Variants in LGR4 observed in about 807,000 individuals in gnomAD.
LGR4 encodes leucine-rich repeat-containing G protein-coupled receptor 4.
LGR4 carries 44 observed loss-of-function variants against 84.8 expected under a neutral mutation model. That is an observed-to-expected ratio of 0.52 (90% CI 0.41 to 0.67). The LOEUF is 0.67. LGR4 is among the 30% of genes least tolerant of loss of function. The probability of loss-of-function intolerance (pLI) is 0.00; values close to 1 mark genes in which losing one functional copy is unlikely to be tolerated. For missense variants in LGR4, 1,032 were observed against 1,131.4 expected (o/e 0.91, Z 1.26); for synonymous variants, 429 against 434.3 (o/e 0.99, Z 0.15).
chr11:27,417,948 T>C (rs1353411978), intron 1 of LGR4, among the ~76,000 whole-genome samples: 2 of 152,160 alleles, frequency 1.3e-5, no homozygotes, highest in Non-Finnish European at 2.9e-5. Context: ...GATTGGAACA[T>C]CTTTGCTATT....
chr11:27,414,809 G>C (rs7927234), intron 1 of LGR4, among the ~76,000 whole-genome samples: 42,879 of 152,000 alleles, frequency 0.28, 11,533 homozygotes, highest in African/African-American at 0.71. Context: ...TTGTACGATA[G>C]TGGGCCTCCA....
intron 2 of LGR4, among the ~76,000 whole-genome samples, 186 bp downstream of exon 2, chr11:27,412,603 G>A (rs1590373140): frequency 6.6e-6 from 1 of 152,178 alleles, no homozygotes; most frequent in Admixed American, 6.5e-5. Flanking sequence ...AATAGCTTCA[G>A]CAACTATGCT....
At position 27,380,934 on chromosome 11, in the gene LGR4, G is replaced by A; in HGVS notation, c.791C>T (p.Pro264Leu). The A allele has an allele frequency of 1.9e-6, 3 of 1,555,456 alleles. No homozygotes were observed. The South Asian group carries it at 3.3e-5, about 17-fold the overall frequency. ...GFHSNSISVI[P>L]DGAFDGNPLL... ...TGGATTACCATCAAATGCTCCATCAGGGATAACAGAAATAGAATTACTATG... is the reference window on the plus strand; with the variant it reads ...TGGATTACCATCAAATGCTCCATCAAGGATAACAGAAATAGAATTACTATG... Residue 264 changes from proline (P) to leucine (L), a missense_variant, in exon 8 of 18, where the codon CCT becomes CTT. Transcript: ENST00000379214.
intron 1 of LGR4, among the ~76,000 whole-genome samples, chr11:27,439,576 G>C (rs1565094112): frequency 6.6e-6 from 1 of 152,104 alleles, no homozygotes; most frequent in African/African-American, 2.4e-5. Flanking sequence ...TTCAATTTGC[G>C]GGGAATACAT....
intron 1 of LGR4, among the ~76,000 whole-genome samples, chr11:27,415,840 T>C (rs1396352429): frequency 6.6e-6 from 1 of 152,022 alleles, no homozygotes; most frequent in Non-Finnish European, 1.5e-5. Flanking sequence ...TGAGGGCTGA[T>C]GGTGATAAAC....
rs1317565723 is a variant in LGR4 at position 27,472,054 on chromosome 11, C to T, written c.185+64G>A. On this transcript the variant is annotated intron_variant, in intron 1 of 17. Coordinates refer to ENST00000379214, the MANE Select transcript of LGR4 (RefSeq NM_018490.5). ...GTGGGACTGACCCCTGGCTCCGCCC[C>T]GCGGCGCCCCCCGCTGGGCCCCGTT... 8.5e-6 allele frequency: 10 copies of T among 1,171,098 alleles called. No individual in the cohort carries two copies. In the African/African-American group the frequency reaches 1.3e-4, roughly 15 times the overall value. 72.5% of individuals were successfully genotyped at this position (1,171,098 alleles called of 1,614,324 possible).
At chr11:27,406,131 A>C (rs1863603746) in intron 2 of LGR4, among the ~76,000 whole-genome samples, 1 of 152,080 alleles carries the variant, frequency 6.6e-6, no homozygotes, top group Non-Finnish European at 1.5e-5. Flanking sequence ...GTCTTTGTAC[A>C]TGTCCTCTTG....
chr11:27,373,565 G>C lies in LGR4; in HGVS notation c.1365C>G (p.Asp455Glu). The C allele has an allele frequency of 6.3e-7, 1 of 1,579,450 alleles. No individual in the cohort carries two copies. Among genetic ancestry groups the C allele is most frequent in the East Asian group, 2.3e-5 (1 of 44,112 alleles). ...FKLKEALAAK[D>E]FVNLRSLSVP... is the part of the protein sequence containing the mutation. ...CAAAAACACACCTGAGGTTAACAAAGTCTTTTGCTGCTAAGGCTTCTTTCA... is the reference window on the plus strand; with the variant it reads ...CAAAAACACACCTGAGGTTAACAAACTCTTTTGCTGCTAAGGCTTCTTTCA... The change falls in exon 15 of 18, where the codon GAC becomes GAG. Residue 455 changes from aspartate (D) to glutamate (E), a missense_variant. Asp to Glu is a conservative substitution (Grantham distance 45). Coordinates refer to ENST00000379214, the MANE Select transcript of LGR4 (RefSeq NM_018490.5).
chr11:27,373,864 T>G, intron 14 of LGR4, 111 bp downstream of exon 14: 1 of 1,022,648 alleles, frequency 9.8e-7, no homozygotes, highest in East Asian at 2.4e-5. Flanking sequence ...TTAGCATTTA[T>G]ACAAGGGAAT....
chr11:27,448,845 A>C (rs916755987), intron 1 of LGR4, among the ~76,000 whole-genome samples: 1 of 152,206 alleles, frequency 6.6e-6, no homozygotes, highest in African/African-American at 2.4e-5. Context: ...TGAGGACAGA[A>C]GTATTGCCTT....
rs544983297 is a variant in LGR4, at chr11:27,369,614, A to C, written c.1580-471T>G. 1.1e-3 allele frequency among the ~76,000 whole-genome samples: 171 copies of C among 152,334 alleles called. 3 individuals carry two copies. Among genetic ancestry groups the C allele is most frequent in the African/African-American group, 3.7e-3 (155 of 41,580 alleles). On this transcript the variant is annotated intron_variant, in intron 17 of 17. Coordinates refer to ENST00000379214, the MANE Select transcript of LGR4 (RefSeq NM_018490.5). ...GTGGATAATAATGCCTGTTTCATAC[A>C]GTTGTGCAGCTTAAGTAAAATTATA... is the stretch of plus-strand genomic sequence containing the variant.
rs1862772023 is a variant in LGR4, at chr11:27,366,728, T to A, written c.*1139A>T. The A allele has an allele frequency of 6.6e-6, 1 of 152,532 alleles. No homozygotes were observed. 9.4% of individuals were successfully genotyped at this position (152,532 alleles called of 1,614,324 possible). A position where few individuals can be genotyped will look rare whatever the true frequency, so the allele number is the denominator to read the frequency against. On this transcript the variant is annotated 3_prime_UTR_variant, in exon 18 of 18. Transcript: ENST00000379214. ...TTATTCTTTCTTCTTCTATTTTTAT[T>A]AATAACATATTATCTTGTTTAACCA...
chr11:27,372,273 ATGCACT>A lies in LGR4; in HGVS notation c.1495+4_1495+9del. On this transcript the variant is annotated splice_donor_5th_base_variant and intron_variant, in intron 16 of 17. Transcript: ENST00000379214. ...AGGAGTGTTCTATTTTTTGAAACTCATGCACTTGCCTTTCTCCTGTGCCACACTGTG... is the reference window on the plus strand; with the variant it reads ...AGGAGTGTTCTATTTTTTGAAACTCATGCCTTTCTCCTGTGCCACACTGTG... 6.7e-7 allele frequency: 1 copy of A among 1,499,756 alleles called. No individual in the cohort carries two copies. 92.9% of individuals were successfully genotyped at this position (1,499,756 alleles called of 1,614,324 possible).
At chr11:27,437,660 AGTGTGTGTGTGTGTGTGT>A (rs10659033) in intron 1 of LGR4, among the ~76,000 whole-genome samples, 1 of 140,042 alleles carries the variant, frequency 7.1e-6, no homozygotes, top group African/African-American at 2.7e-5. Context: ...TTAAAGGACT[AGTGTGTGTGTGTGTGTGT>A]GTGTGTGTGT....
intron 6 of LGR4, 53 bp from the exon 7 acceptor site, chr11:27,382,309 C>T: frequency 8.5e-7 from 1 of 1,172,008 alleles, no homozygotes; most frequent in Non-Finnish European, 1.3e-6. Context: ...GGTCATAATT[C>T]ATAAGGCATT....
rs1015071415 is a variant in LGR4 at position 27,368,652 on chromosome 11, G to T, written c.2071C>A (p.Pro691Thr). The T allele has an allele frequency of 1.2e-6, 2 of 1,613,886 alleles. No homozygotes were observed. Among genetic ancestry groups the T allele is most frequent in the Non-Finnish European group, 1.7e-6 (2 of 1,179,982 alleles). Reference protein sequence around the residue: ...LFHRGEYSASPLCLPFPTGET... With the variant: ...LFHRGEYSASTLCLPFPTGET... ...CCTGTAGGAAATGGCAAACAAAGGGGTGATGCAGAATATTCCCCTCTATGG... is the reference window on the plus strand; with the variant it reads ...CCTGTAGGAAATGGCAAACAAAGGGTTGATGCAGAATATTCCCCTCTATGG... Residue 691 changes from proline (P) to threonine (T), a missense_variant, in exon 18 of 18, where the codon CCC becomes ACC. Pro to Thr is a conservative substitution (Grantham distance 38). Transcript: ENST00000379214.
chr11:27,419,861 T>C (rs1054624994), intron 1 of LGR4, among the ~76,000 whole-genome samples: 1 of 152,020 alleles, frequency 6.6e-6, no homozygotes, highest in Non-Finnish European at 1.5e-5. Context: ...ATTCCATTTA[T>C]ACAGCATTCT....
chr11:27,470,500 CTTTCTTTCTGCA>C (rs972342422), intron 1 of LGR4, among the ~76,000 whole-genome samples: 8 of 152,012 alleles, frequency 5.3e-5, no homozygotes, highest in South Asian at 2.1e-4. Flanking sequence ...GTAAAGGGAC[CTTTCTTTCTGCA>C]TTTCTTTCTG....
chr11:27,418,312 G>A (rs1233883379), intron 1 of LGR4, among the ~76,000 whole-genome samples: 7 of 152,136 alleles, frequency 4.6e-5, no homozygotes, highest in South Asian at 2.1e-4. Flanking sequence ...GCAGAAATGC[G>A]GCCAAAACAG....
Sources: gnomAD v4.1 joint callset for allele counts (sites outside exome capture counted in the v4.1 genomes callset) on GRCh38, gnomAD v4.1.1 for gene constraint, MANE v1.5 for transcripts, NCBI Gene and HGNC (gene_info 2026-07-23, HGNC 2026-07-21) for gene names.